The following STK3 variants were observed in gnomAD, a reference collection of about 807,000 sequenced individuals.
The protein encoded by STK3 is serine/threonine-protein kinase 3.
A neutral mutation model predicts 58.0 loss-of-function variants in STK3; 41 were observed. That is an observed-to-expected ratio of 0.71 (90% CI 0.55 to 0.92). STK3 has a LOEUF of 0.92. Among genes scored for constraint, STK3 ranks in the 40% least tolerant of loss-of-function variants. The pLI is 0.00. For synonymous variants in STK3, 170 were observed against 191.0 expected, an observed-to-expected ratio of 0.89 and a Z score of 0.91; for missense variants, 479 against 602.7, an observed-to-expected ratio of 0.79 and a Z score of 2.15.
rs372342363 is a variant in STK3 at position 98,800,540 on chromosome 8, C to T, written c.26+24975G>A. On this transcript the variant is annotated intron_variant, in intron 1 of 10. Coordinates refer to ENST00000419617, the MANE Select transcript of STK3 (RefSeq NM_006281.4). This position sits in a 1 kb window ranked among gnomAD's most constrained non-coding sequence, Gnocchi z 4.8. ...TGCACTGTGGGAGCCCCTCTCTGGG[C>T]TGGCCAAGGCCGGAGCCGGCTCCCT... is the stretch of plus-strand genomic sequence containing the variant. Among the ~76,000 whole-genome samples, 59 of 152,370 alleles carry T rather than the reference C, an allele frequency of 3.9e-4. No homozygotes were observed. The highest frequency in any genetic ancestry group is 1.4e-3 in the African/African-American group (58 of 41,596).
intron 1 of STK3, among the ~76,000 whole-genome samples, chr8:98,449,520 A>G (rs1448864854): frequency 6.6e-6 from 1 of 152,202 alleles, no homozygotes; most frequent in Admixed American, 6.5e-5. Flanking sequence ...ACCAAGAACG[A>G]TGAAACTTCA....
At chr8:98,920,169 G>A (rs1297009012) in intron 1 of STK3, among the ~76,000 whole-genome samples, 1 of 152,170 alleles carries the variant, frequency 6.6e-6, no homozygotes, top group Admixed American at 6.5e-5. Context: ...AACTTCAGAG[G>A]AGAGGGACCC....
At chr8:98,912,382 A>G (rs1839174786) in intron 1 of STK3, among the ~76,000 whole-genome samples, 1 of 150,994 alleles carries the variant, frequency 6.6e-6, no homozygotes, top group Admixed American at 6.6e-5. Flanking sequence ...CATCTCAACA[A>G]CAACAACAAC....
downstream of STK3, among the ~76,000 whole-genome samples, chr8:98,452,118 C>A (rs1233416481): frequency 6.6e-6 from 1 of 152,056 alleles, no homozygotes. Context: ...GAATGCTAAT[C>A]AGTAATTTGA....
At chr8:98,894,815 C>T (rs1329604969) in intron 1 of STK3, among the ~76,000 whole-genome samples, 1 of 152,160 alleles carries the variant, frequency 6.6e-6, no homozygotes, top group Non-Finnish European at 1.5e-5. Context: ...TTGGAATTTA[C>T]ACTCTGTGAA....
At chr8:98,645,271 C>T (rs373583355) in intron 6 of STK3, among the ~76,000 whole-genome samples, 255 of 152,306 alleles carry the variant, frequency 1.7e-3, no homozygotes, top group African/African-American at 5.8e-3. Context: ...GTCTTAGCAG[C>T]GTGTTCATCC....
chr8:98,792,338 T>C (rs781710094), intron 1 of STK3, among the ~76,000 whole-genome samples: 1 of 152,186 alleles, frequency 6.6e-6, no homozygotes, highest in Non-Finnish European at 1.5e-5. Context: ...GGAACACTTC[T>C]GCACTGCTAG....
chr8:98,389,087 T>C (rs1817821006), upstream of STK3, among the ~76,000 whole-genome samples: 1 of 152,212 alleles, frequency 6.6e-6, no homozygotes, highest in Non-Finnish European at 1.5e-5. Context: ...CATGATTCTC[T>C]CAAGCATGGC....
chr8:98,784,361 G>A (rs1485225501), intron 1 of STK3, among the ~76,000 whole-genome samples: 1 of 152,238 alleles, frequency 6.6e-6, no homozygotes, highest in East Asian at 1.9e-4. Flanking sequence ...GGTCAAGGAT[G>A]AGAGAAGAGC....
At chr8:98,424,300 T>C (rs1818205258) in intron 3 of STK3, among the ~76,000 whole-genome samples, 2 of 152,224 alleles carry the variant, frequency 1.3e-5, no homozygotes, top group South Asian at 2.1e-4. Flanking sequence ...GGGGGGCTTG[T>C]CCCTGACCCC....
chr8:98,377,577 T>C (rs565247368), intron 2 of STK3, among the ~76,000 whole-genome samples: 1 of 151,948 alleles, frequency 6.6e-6, no homozygotes, highest in African/African-American at 2.4e-5. Flanking sequence ...ATTGAAAATA[T>C]AAGAAAAAAA....
At chr8:98,536,039 G>A (rs1353235789) in intron 9 of STK3, among the ~76,000 whole-genome samples, 4 of 152,026 alleles carry the variant, frequency 2.6e-5, no homozygotes, top group Non-Finnish European at 4.4e-5. Flanking sequence ...AATAAAGAAA[G>A]GAAATTACTA....
intron 2 of STK3, among the ~76,000 whole-genome samples, chr8:98,435,796 C>T (rs751702586): frequency 3.3e-5 from 5 of 152,090 alleles, no homozygotes; most frequent in Non-Finnish European, 7.4e-5. Context: ...CAGAGGGAGG[C>T]CTGGAGGCCA....
chr8:98,935,741 T>A (rs1311161327), intron 1 of STK3, among the ~76,000 whole-genome samples: 1 of 152,180 alleles, frequency 6.6e-6, no homozygotes, highest in Non-Finnish European at 1.5e-5. Flanking sequence ...ATACTCTTGA[T>A]AACCAGATAA....
At chr8:98,886,243 T>C (rs931963459) in intron 1 of STK3, among the ~76,000 whole-genome samples, 2 of 152,170 alleles carry the variant, frequency 1.3e-5, no homozygotes, top group Non-Finnish European at 2.9e-5. Context: ...GATCTGTCAA[T>C]TGTACCAATG....
intron 1 of STK3, among the ~76,000 whole-genome samples, chr8:98,898,304 G>A (rs1056279112): frequency 2.6e-5 from 4 of 152,164 alleles, no homozygotes; most frequent in Non-Finnish European, 4.4e-5. Context: ...AGACTCTGTC[G>A]GTCGGGTAGA....
intron 6 of STK3, among the ~76,000 whole-genome samples, chr8:98,674,078 G>A (rs111544264): frequency 0.018 from 2,680 of 152,220 alleles, 76 homozygotes; most frequent in African/African-American, 0.062. Flanking sequence ...GACACTCAGA[G>A]AGAAAATACA....
chr8:98,883,055 C>CTA (rs1837856421), downstream of STK3: 1 of 152,242 alleles, frequency 6.6e-6, no homozygotes, highest in Non-Finnish European at 1.5e-5. Flanking sequence ...GAGAAAAGGC[C>CTA]TATGGTAAGC....
intron 8 of STK3, among the ~76,000 whole-genome samples, chr8:98,553,735 G>A (rs935403990): frequency 1.3e-5 from 2 of 152,106 alleles, no homozygotes; most frequent in Non-Finnish European, 2.9e-5. Flanking sequence ...AGGCCGAGGT[G>A]GTTGGATCAC....
Sources: allele counts gnomAD v4.1 joint callset (sites outside exome capture counted in the v4.1 genomes callset), GRCh38; gene constraint gnomAD v4.1.1; non-coding constraint Gnocchi (gnomAD v3.1); transcripts MANE v1.5; gene names NCBI Gene and HGNC (gene_info 2026-07-23, HGNC 2026-07-21).